The following FRMD4B variants were observed in gnomAD, a reference collection of about 807,000 sequenced individuals.
FRMD4B encodes the protein FERM domain-containing protein 4B.
In FRMD4B, 74 loss-of-function variants were observed where a neutral mutation model predicts 141.5. The observed-to-expected ratio is 0.52, with a 90% CI of 0.43 to 0.63. The LOEUF is 0.63. Among genes scored for constraint, FRMD4B ranks in the 30% least tolerant of loss-of-function variants. The pLI is 0.00. For missense variants in FRMD4B, 1,366 were observed against 1,253.4 expected (o/e 1.09, Z -1.36); for synonymous variants, 506 against 467.9 (o/e 1.08, Z -1.05).
chr3:69,299,100 A>G (rs1701127101), intron 4 of FRMD4B, among the ~76,000 whole-genome samples: 1 of 152,154 alleles, frequency 6.6e-6, no homozygotes, highest in African/African-American at 2.4e-5. Context: ...CTTCTTCACT[A>G]TCGGGTCCTC....
intron 22 of FRMD4B, among the ~76,000 whole-genome samples, chr3:69,173,561 A>G (rs2092610686): frequency 1.3e-5 from 2 of 152,232 alleles, no homozygotes; most frequent in African/African-American, 4.8e-5. Context: ...ACAGAATTTT[A>G]GAGCAAATTT....
intron 1 of FRMD4B, among the ~76,000 whole-genome samples, chr3:69,497,110 AC>A (rs1706416482): frequency 1.3e-5 from 2 of 152,142 alleles, no homozygotes; most frequent in Admixed American, 1.3e-4. Flanking sequence ...AAGGGCTATC[AC>A]AAGGTCCTGT....
intron 1 of FRMD4B, among the ~76,000 whole-genome samples, chr3:69,381,303 T>A (rs1017361473): frequency 6.6e-6 from 1 of 152,236 alleles, no homozygotes; most frequent in African/African-American, 2.4e-5. Flanking sequence ...CTAGCTTTGC[T>A]AGCCTGACAA....
rs147878501 is a variant in FRMD4B, at chr3:69,277,236, C to T, written c.501+10516G>A. Among the ~76,000 whole-genome samples the T allele has an allele frequency of 4.6e-5, 7 of 152,192 alleles. No individual in the cohort carries two copies. The East Asian group carries it at 1.4e-3, about 29-fold the overall frequency. On this transcript the variant is annotated intron_variant, in intron 5 of 22. Coordinates refer to ENST00000398540, the MANE Select transcript of FRMD4B (RefSeq NM_015123.3). ...GGAGCCCCATGAAGCCTACTAAAGCCTTACAGAGCCATTTTCTTCTCCATT... is the reference window on the plus strand; with the variant it reads ...GGAGCCCCATGAAGCCTACTAAAGCTTTACAGAGCCATTTTCTTCTCCATT...
At chr3:69,200,054 A>C (rs1400083503) in intron 11 of FRMD4B, among the ~76,000 whole-genome samples, 3 of 152,208 alleles carry the variant, frequency 2.0e-5, no homozygotes, top group African/African-American at 4.8e-5. Flanking sequence ...ATCTTAAAAG[A>C]TTATTTTTAA....
In FRMD4B at chr3:69,187,805, G is replaced by A. The variant is rs1200586082; in HGVS notation, c.1884C>T (p.Ser628=). The A allele has an allele frequency of 1.1e-5, 17 of 1,612,114 alleles. No individual in the cohort carries two copies. Among genetic ancestry groups the A allele is most frequent in the Non-Finnish European group, 1.4e-5 (16 of 1,178,768 alleles). The part of the protein sequence containing the change: ...GIERIHFRKS[S]INEQFVDTRQ... The stretch of plus-strand genomic sequence containing the variant: ...TGGTATCCACAAACTGTTCATTGAT[G>A]GACGACTTTCTGAAATGGATTCGCT... Residue 628 remains serine, a synonymous_variant, in exon 19 of 23, where the codon TCC becomes TCT. Coordinates refer to ENST00000398540, the MANE Select transcript of FRMD4B (RefSeq NM_015123.3).
At chr3:69,542,415 C>G (rs1701203090) in exon 1 of FRMD4B, 1 of 152,480 alleles carries the variant, frequency 6.6e-6, no homozygotes, top group Admixed American at 6.5e-5. Context: ...CTACGCAGCC[C>G]GACTCCCGGG....
In FRMD4B at chr3:69,171,743, T is replaced by C. The variant is rs2092588351; in HGVS notation, c.*118A>G. On this transcript the variant is annotated 3_prime_UTR_variant, in exon 23 of 23. Transcript: ENST00000398540. ...TCACTTCCAGGGCAACTAAGTCTTCTCTTCAACCTTTGATGTCTTTAGGTT... is the reference window on the plus strand; with the variant it reads ...TCACTTCCAGGGCAACTAAGTCTTCCCTTCAACCTTTGATGTCTTTAGGTT... The C allele has an allele frequency of 2.1e-6, 2 of 959,988 alleles. No homozygotes were observed. The highest frequency in any genetic ancestry group is 3.2e-6 in the Non-Finnish European group (2 of 627,864). 59.5% of individuals were successfully genotyped at this position (959,988 alleles called of 1,614,324 possible).
chr3:69,213,625 T>C (rs535642392), intron 11 of FRMD4B, among the ~76,000 whole-genome samples: 1 of 151,204 alleles, frequency 6.6e-6, no homozygotes, highest in African/African-American at 2.4e-5. Flanking sequence ...CATTGTCCTC[T>C]ACTGCTTGTT....
chr3:69,325,635 G>A (rs1373067545), intron 1 of FRMD4B, among the ~76,000 whole-genome samples: 5 of 152,090 alleles, frequency 3.3e-5, no homozygotes, highest in Non-Finnish European at 7.4e-5. Context: ...CTCAGTTTCT[G>A]CCCCTATGAA....
chr3:69,336,756 T>C (rs1702566099), intron 1 of FRMD4B, among the ~76,000 whole-genome samples: 2 of 152,074 alleles, frequency 1.3e-5, no homozygotes, highest in Admixed American at 6.6e-5. Context: ...GAGACCAGCC[T>C]GGGGAGAGAA....
chr3:69,434,437 T>C (rs1705229898), intron 1 of FRMD4B, among the ~76,000 whole-genome samples: 1 of 152,150 alleles, frequency 6.6e-6, no homozygotes, highest in Non-Finnish European at 1.5e-5. Context: ...TACACACAAC[T>C]GGTTAGTTCT....
intron 7 of FRMD4B, chr3:69,228,616 C>A (rs1415274794): frequency 2.6e-6 from 1 of 388,874 alleles, no homozygotes; most frequent in Non-Finnish European, 5.1e-6. Context: ...GGGAGGATCT[C>A]TTGAGCCCAG....
At chr3:69,340,314 C>A (rs1370701521) in intron 1 of FRMD4B, among the ~76,000 whole-genome samples, 1 of 152,088 alleles carries the variant, frequency 6.6e-6, no homozygotes, top group Non-Finnish European at 1.5e-5. Flanking sequence ...GATACTCTCC[C>A]TCCTCCCACC....
intron 4 of FRMD4B, among the ~76,000 whole-genome samples, chr3:69,290,755 G>A (rs188900753): frequency 2.0e-5 from 3 of 152,276 alleles, no homozygotes; most frequent in African/African-American, 7.2e-5. Context: ...AGGGACCTAT[G>A]ATGACCCTGA....
chr3:69,175,383 C>G (rs916841863), intron 22 of FRMD4B, among the ~76,000 whole-genome samples: 5 of 152,186 alleles, frequency 3.3e-5, no homozygotes, highest in Non-Finnish European at 5.9e-5. Flanking sequence ...AAAACTAATT[C>G]AGAGTTTGCA....
At chr3:69,393,594 A>T (rs1344593446) in intron 2 of FRMD4B, among the ~76,000 whole-genome samples, 1 of 152,190 alleles carries the variant, frequency 6.6e-6, no homozygotes, top group Non-Finnish European at 1.5e-5. Context: ...CCTTTTATTT[A>T]TACTTAACCT....
At chr3:69,373,074 G>A (rs1016431923) in intron 1 of FRMD4B, among the ~76,000 whole-genome samples, 58 of 152,304 alleles carry the variant, frequency 3.8e-4, no homozygotes, top group African/African-American at 1.3e-3. Context: ...GGTGAGAGGA[G>A]GAGAGAGAAC....
chr3:69,424,405 C>T (rs989585288), intron 2 of FRMD4B, among the ~76,000 whole-genome samples: 3 of 152,148 alleles, frequency 2.0e-5, no homozygotes, highest in Admixed American at 6.5e-5. Context: ...GCGATCTTCC[C>T]GCTTTGGCCT....
Sources: allele counts gnomAD v4.1 joint callset (sites outside exome capture counted in the v4.1 genomes callset), GRCh38; gene constraint gnomAD v4.1.1; transcripts MANE v1.5; gene names NCBI Gene and HGNC (gene_info 2026-07-23, HGNC 2026-07-21).